Variants in SCN7A observed in about 807,000 individuals in gnomAD.
SCN7A encodes the protein sodium voltage-gated channel alpha subunit 7, also known as sodium channel protein type 7 subunit alpha.
In SCN7A, 138 loss-of-function variants were observed where a neutral mutation model predicts 155.2. The observed-to-expected ratio is 0.89, with a 90% confidence interval of 0.77 to 1.02. The LOEUF (loss-of-function observed/expected upper bound fraction) is 1.02, where lower values mean the gene tolerates loss of function less well. Among genes scored for constraint, SCN7A ranks in the 50% least tolerant of loss-of-function variants. SCN7A has a pLI of 0.00. For missense variants in SCN7A, 2,058 were observed against 1,986.6 expected (o/e 1.04, Z -0.68); for synonymous variants, 693 against 649.0 (o/e 1.07, Z -1.03).
chr2:166,416,161 T>C (rs1445310027), intron 21 of SCN7A, among the ~76,000 whole-genome samples: 1 of 152,094 alleles, frequency 6.6e-6, no homozygotes, highest in Non-Finnish European at 1.5e-5. Context: ...CTGGTAAATT[T>C]TAGGTCAGAC....
chr2:166,477,554 T>C lies in SCN7A; in HGVS notation c.143A>G (p.Lys48Arg). 1 of 1,570,224 alleles carries C rather than the reference T, an allele frequency of 6.4e-7. No individual in the cohort carries two copies. The highest frequency in any genetic ancestry group is 8.7e-7 in the Non-Finnish European group (1 of 1,155,404). Reference sequence around the variant, plus strand: ...GTTTCCATAAATAAATGGAAGCTTTTTGCCAACTTCCAAATCAGGAGTTGG... The same window carrying C: ...GTTTCCATAAATAAATGGAAGCTTTCTGCCAACTTCCAAATCAGGAGTTGG... Reference protein sequence around the residue: ...LKPTPDLEVGKKLPFIYGNLS... With the variant: ...LKPTPDLEVGRKLPFIYGNLS... The change falls in exon 3 of 26, where the codon AAA becomes AGA. Residue 48 changes from lysine to arginine, a missense_variant. Coordinates refer to ENST00000643258, the MANE Select transcript of SCN7A (RefSeq NM_002976.4).
intron 2 of SCN7A, among the ~76,000 whole-genome samples, chr2:166,481,909 A>T (rs1385169209): frequency 6.6e-6 from 1 of 152,168 alleles, no homozygotes; most frequent in Non-Finnish European, 1.5e-5. Context: ...GCCAGAAGAG[A>T]TTTGGCTTGA....
At chr2:166,478,000 G>T (rs1321286330) in intron 2 of SCN7A, among the ~76,000 whole-genome samples, 1 of 151,732 alleles carries the variant, frequency 6.6e-6, no homozygotes, top group Non-Finnish European at 1.5e-5. Flanking sequence ...TTTTTAGAAA[G>T]ATCTTTTTTG....
At chr2:166,482,944 C>T (rs1327755299) in intron 2 of SCN7A, among the ~76,000 whole-genome samples, 4 of 152,010 alleles carry the variant, frequency 2.6e-5, no homozygotes, top group Non-Finnish European at 4.4e-5. Context: ...CTTAATACAG[C>T]ACTAAAGTCC....
In SCN7A at chr2:166,473,888, G is replaced by A. The variant is rs1209895717; in HGVS notation, c.354C>T (p.Pro118=). The part of the protein sequence containing the change: ...RRTTIKVLVH[P]FFQLFILISV... ...TAATTAGAATAAACAGTTGGAAAAA[G>A]GTAGCTTATAGTCAAGGAATAATAG... The change falls in exon 5 of 26, where the codon CCC becomes CCT. Residue 118 remains proline, a splice_region_variant and synonymous_variant. Transcript: ENST00000643258. 1.3e-6 allele frequency: 2 copies of A among 1,529,774 alleles called. No homozygotes were observed. Among genetic ancestry groups the A allele is most frequent in the Admixed American group, 3.5e-5 (2 of 56,590 alleles). The allele number at this position is 1,529,774 out of a possible 1,614,324, so 94.8% of individuals were successfully genotyped here.
intron 21 of SCN7A, among the ~76,000 whole-genome samples, chr2:166,414,316 A>G (rs1318109883): frequency 7.3e-5 from 5 of 68,622 alleles, no homozygotes; most frequent in African/African-American, 4.1e-4. Context: ...ATATATACAC[A>G]TATATATATA....
chr2:166,422,704 T>C (rs1231969117), intron 19 of SCN7A, among the ~76,000 whole-genome samples: 1 of 152,152 alleles, frequency 6.6e-6, no homozygotes, highest in Non-Finnish European at 1.5e-5. Flanking sequence ...ATTGTTGATT[T>C]TACCCTGAAT....
At chr2:166,408,839 T>C (rs1014570410) in intron 25 of SCN7A, among the ~76,000 whole-genome samples, 19 of 152,030 alleles carry the variant, frequency 1.2e-4, no homozygotes, top group African/African-American at 3.1e-4. Flanking sequence ...ATGTGTGTTA[T>C]GTGGAAACAG....
In SCN7A at chr2:166,416,762, T is replaced by C. The variant is rs758161039; in HGVS notation, c.3359A>G (p.Asn1120Ser). ...LLFNESMLWE[N>S]AKMNFDNVGN... is the part of the protein sequence containing the mutation. ...AACATTATCAAAGTTCATTTTTGCATTTTCCCATAGCATGGATTCGTTAAA... is the reference window on the plus strand; with the variant it reads ...AACATTATCAAAGTTCATTTTTGCACTTTCCCATAGCATGGATTCGTTAAA... Residue 1120 changes from asparagine (N) to serine (S), a missense_variant, in exon 21 of 26, where the codon AAT (asparagine) becomes AGT (serine). Coordinates refer to ENST00000643258, the MANE Select transcript of SCN7A (RefSeq NM_002976.4). The C allele has an allele frequency of 1.1e-5, 18 of 1,612,404 alleles. No homozygotes were observed. In the Admixed American group the frequency reaches 3.0e-4, roughly 27 times the overall value.
intron 20 of SCN7A, among the ~76,000 whole-genome samples, chr2:166,420,238 A>C (rs79242633): frequency 0.046 from 7,012 of 152,148 alleles, 179 homozygotes; most frequent in African/African-American, 0.061. Flanking sequence ...TGGTTTCTTA[A>C]TTAATAACAG....
At chr2:166,418,723 G>GA (rs1701444977) in intron 20 of SCN7A, among the ~76,000 whole-genome samples, 1 of 152,024 alleles carries the variant, frequency 6.6e-6, no homozygotes, top group Non-Finnish European at 1.5e-5. Context: ...TTCTGCTGAA[G>GA]AAAAATGCCA....
chr2:166,434,006 C>G (rs545210468), intron 15 of SCN7A, among the ~76,000 whole-genome samples: 1 of 152,032 alleles, frequency 6.6e-6, no homozygotes, highest in Non-Finnish European at 1.5e-5. Flanking sequence ...AATTGTAAGG[C>G]ATATATTATA....
chr2:166,474,901 T>C (rs748789050), intron 3 of SCN7A, among the ~76,000 whole-genome samples: 1 of 151,132 alleles, frequency 6.6e-6, no homozygotes, highest in Non-Finnish European at 1.5e-5. Context: ...GTAAACCTAA[T>C]ACATTGAGAT....
chr2:166,480,785 C>T (rs1702908101), intron 2 of SCN7A, among the ~76,000 whole-genome samples: 1 of 152,100 alleles, frequency 6.6e-6, no homozygotes, highest in South Asian at 2.1e-4. Context: ...TTAACTTCTT[C>T]GAAGAAAAAA....
intron 18 of SCN7A, among the ~76,000 whole-genome samples, chr2:166,425,991 C>G (rs1701615064): frequency 6.6e-6 from 1 of 152,010 alleles, no homozygotes; most frequent in Admixed American, 6.6e-5. Flanking sequence ...CAGGAGTTAA[C>G]ATCATATTGA....
intron 1 of SCN7A, among the ~76,000 whole-genome samples, chr2:166,493,116 G>A (rs1417035210): frequency 6.6e-6 from 1 of 152,116 alleles, no homozygotes; most frequent in East Asian, 1.9e-4. Flanking sequence ...TTATTACAGG[G>A]CCCACTTTCC....
At chr2:166,419,783 C>T (rs1334943043) in intron 20 of SCN7A, among the ~76,000 whole-genome samples, 1 of 152,118 alleles carries the variant, frequency 6.6e-6, no homozygotes, top group African/African-American at 2.4e-5. Context: ...TGTGGATCTT[C>T]ATGATATGGT....
intron 2 of SCN7A, among the ~76,000 whole-genome samples, chr2:166,480,496 AC>A (rs1183825820): frequency 6.6e-6 from 1 of 151,702 alleles, no homozygotes; most frequent in Non-Finnish European, 1.5e-5. Context: ...CAAAAAAAAA[AC>A]AGCCTTTCAA....
chr2:166,429,082 G>C (rs1339260842), intron 17 of SCN7A, 87 bp downstream of exon 17: 2 of 634,696 alleles, frequency 3.2e-6, no homozygotes, highest in Admixed American at 7.3e-5. Context: ...TCAGTCAATT[G>C]ACTGACATAC....
Sources: gnomAD v4.1 joint callset for allele counts (sites outside exome capture counted in the v4.1 genomes callset) on GRCh38, gnomAD v4.1.1 for gene constraint, MANE v1.5 for transcripts, NCBI Gene and HGNC (gene_info 2026-07-23, HGNC 2026-07-21) for gene names.